The following PTPRG variants were observed in gnomAD, a reference collection of about 807,000 sequenced individuals.
PTPRG encodes the protein protein tyrosine phosphatase receptor type G, also known as receptor-type tyrosine-protein phosphatase gamma.
In PTPRG, 102 loss-of-function variants were observed where a neutral mutation model predicts 165.3. The observed-to-expected ratio is 0.62, with a 90% CI of 0.53 to 0.73. The LOEUF is 0.73. Ranked by LOEUF, PTPRG falls within the 30% of genes least tolerant of loss-of-function variation. The pLI is 0.00. For synonymous variants in PTPRG, 675 were observed against 669.5 expected (o/e 1.01, Z -0.13); for missense variants, 1,866 against 1,861.4 (o/e 1.00, Z -0.05).
chr3:61,719,489 G>A (rs1228566008), intron 1 of PTPRG, among the ~76,000 whole-genome samples: 1 of 152,130 alleles, frequency 6.6e-6, no homozygotes, highest in Non-Finnish European at 1.5e-5. Context: ...TCTCCCCACT[G>A]CCAGTTTTCC....
At chr3:61,596,777 A>C (rs1336761808) in intron 1 of PTPRG, among the ~76,000 whole-genome samples, 2 of 141,220 alleles carry the variant, frequency 1.4e-5, no homozygotes, top group Non-Finnish European at 1.5e-5. Flanking sequence ...AGTCTCAATT[A>C]GTTTATTATT....
At chr3:62,260,232 G>T (rs772126617) in intron 16 of PTPRG, among the ~76,000 whole-genome samples, 2 of 152,150 alleles carry the variant, frequency 1.3e-5, no homozygotes, top group Non-Finnish European at 2.9e-5. Context: ...CCCCTACTTG[G>T]TGTAATACTT....
intron 2 of PTPRG, among the ~76,000 whole-genome samples, chr3:61,885,004 G>A (rs1202296094): frequency 6.6e-6 from 1 of 152,062 alleles, no homozygotes; most frequent in African/African-American, 2.4e-5. Context: ...GATCTGTCCT[G>A]CGTGTGCATT....
At chr3:61,740,805 CTT>C (rs1427298360) in intron 1 of PTPRG, among the ~76,000 whole-genome samples, 1 of 151,898 alleles carries the variant, frequency 6.6e-6, no homozygotes, top group Non-Finnish European at 1.5e-5. Flanking sequence ...ATGAAAAAAA[CTT>C]TTTATAGTTG....
intron 6 of PTPRG, among the ~76,000 whole-genome samples, chr3:62,141,361 G>A (rs1443408066): frequency 2.9e-5 from 4 of 137,666 alleles, no homozygotes; most frequent in African/African-American, 9.9e-5. Flanking sequence ...AGCAACTTTG[G>A]AGCCGAGGCA....
At chr3:61,753,783 A>G (rs1260437745) in intron 2 of PTPRG, 3 of 311,850 alleles carry the variant, frequency 9.6e-6, no homozygotes, top group Non-Finnish European at 1.9e-5. Context: ...TTTAGTAGAG[A>G]TGGGGTTTCA....
chr3:61,759,252 T>C (rs1324521740), intron 2 of PTPRG, among the ~76,000 whole-genome samples: 1 of 152,234 alleles, frequency 6.6e-6, no homozygotes, highest in Admixed American at 6.5e-5. Context: ...CTTGTGTAGG[T>C]TAAAAACTTA....
intron 4 of PTPRG, among the ~76,000 whole-genome samples, chr3:62,068,005 T>A (rs6793457): frequency 0.036 from 5,486 of 152,174 alleles, 136 homozygotes; most frequent in East Asian, 0.12. Context: ...GGAATTCTGG[T>A]GAGGATGTTG....
At chr3:62,095,406 C>T (rs912423410) in intron 5 of PTPRG, among the ~76,000 whole-genome samples, 3 of 152,108 alleles carry the variant, frequency 2.0e-5, no homozygotes, top group Admixed American at 6.5e-5. Context: ...GAGGTTACAC[C>T]AGTAGAGGAG....
intron 1 of PTPRG, among the ~76,000 whole-genome samples, chr3:61,592,619 TTC>T (rs970424484): frequency 2.0e-5 from 3 of 151,864 alleles, no homozygotes; most frequent in African/African-American, 4.8e-5. Context: ...ATTTTTTCTT[TTC>T]TCTCTCTTTT....
chr3:62,010,180 A>G (rs540738441), intron 4 of PTPRG, among the ~76,000 whole-genome samples: 2 of 152,082 alleles, frequency 1.3e-5, no homozygotes, highest in Non-Finnish European at 2.9e-5. Flanking sequence ...CGCCCTCCCA[A>G]AGCCTGGGAT....
At chr3:61,952,351 A>G (rs1014405516) in intron 2 of PTPRG, among the ~76,000 whole-genome samples, 1 of 152,100 alleles carries the variant, frequency 6.6e-6, no homozygotes, top group Non-Finnish European at 1.5e-5. Flanking sequence ...GTGACAAGCC[A>G]TTATTTTATC....
chr3:61,792,758 C>G, intron 2 of PTPRG, among the ~76,000 whole-genome samples: 1 of 145,932 alleles, frequency 6.9e-6, no homozygotes, highest in African/African-American at 2.6e-5. Flanking sequence ...GAGATGGAGT[C>G]TCGCTCGATT....
intron 4 of PTPRG, among the ~76,000 whole-genome samples, chr3:62,032,338 T>G (rs1699796112): frequency 6.6e-6 from 1 of 152,210 alleles, no homozygotes; most frequent in Non-Finnish European, 1.5e-5. Flanking sequence ...TTTAGTGACC[T>G]TTCCCCAAGC....
chr3:61,996,339 G>A (rs990681253), intron 3 of PTPRG, among the ~76,000 whole-genome samples: 1 of 152,076 alleles, frequency 6.6e-6, no homozygotes, highest in Non-Finnish European at 1.5e-5. Flanking sequence ...GCTTCCAGTA[G>A]CCTCCTCAAT....
In PTPRG at chr3:62,255,181, C is replaced by T; in HGVS notation, c.2525C>T (p.Ser842Phe). The stretch of plus-strand genomic sequence containing the variant: ...GTCAAACACATCGGTGAGCTCTATT[C>T]TAATAACCAGCATGGGTTCTCTGAG... ...QFVKHIGELY[S>F]NNQHGFSEDF... Residue 842 changes from serine to phenylalanine, a missense_variant, in exon 16 of 30, where the codon TCT (serine) becomes TTT (phenylalanine). Ser to Phe is a radical substitution (Grantham distance 155). Around this residue, in one of 3 missense-constraint regions of PTPRG, gnomAD observed 1,452 missense variants for 1,463.0 expected, o/e 0.99. Coordinates refer to ENST00000474889, the MANE Select transcript of PTPRG (RefSeq NM_002841.4). The surrounding 1 kb of genome is among the most constrained non-coding windows in gnomAD (Gnocchi z 4.0). 1 of 1,613,220 alleles carries T rather than the reference C, an allele frequency of 6.2e-7. No individual in the cohort carries two copies. Among genetic ancestry groups the T allele is most frequent in the Non-Finnish European group, 8.5e-7 (1 of 1,179,548 alleles).
rs534896035 is a variant in PTPRG at position 62,278,619 on chromosome 3, T to G, written c.3765+940T>G. On this transcript the variant is annotated intron_variant, in intron 26 of 29. Coordinates refer to ENST00000474889, the MANE Select transcript of PTPRG (RefSeq NM_002841.4). Reference sequence around the variant, plus strand: ...TTTTTAATCAAGGAAGAACAGCATGTGACTGAACCCCCAGTCTTGGTGACA... The same window carrying G: ...TTTTTAATCAAGGAAGAACAGCATGGGACTGAACCCCCAGTCTTGGTGACA... Among the ~76,000 whole-genome samples the G allele has an allele frequency of 5.3e-5, 8 of 152,186 alleles. No homozygotes were observed. In the East Asian group the frequency reaches 9.7e-4, roughly 18 times the overall value.
intron 2 of PTPRG, among the ~76,000 whole-genome samples, chr3:61,868,685 A>C (rs1050365003): frequency 3.9e-5 from 6 of 152,214 alleles, no homozygotes; most frequent in Admixed American, 6.5e-5. Flanking sequence ...GTAATGGGAC[A>C]GTTTTTTTGT....
At chr3:62,159,954 C>T (rs1033585310) in intron 7 of PTPRG, among the ~76,000 whole-genome samples, 3 of 152,194 alleles carry the variant, frequency 2.0e-5, no homozygotes, top group African/African-American at 7.2e-5. Context: ...ACCTTCCCAC[C>T]CTGACCCTGC....
Sources: gnomAD v4.1 joint callset for allele counts (sites outside exome capture counted in the v4.1 genomes callset) on GRCh38, gnomAD v4.1.1 for gene constraint, gnomAD v4.1.1 regional missense constraint, Gnocchi (gnomAD v3.1) non-coding constraint, MANE v1.5 for transcripts, NCBI Gene and HGNC (gene_info 2026-07-23, HGNC 2026-07-21) for gene names.